The following MOV10L1 variants were observed in gnomAD, a reference collection of about 807,000 sequenced individuals.
MOV10L1 encodes Mov10 like RNA helicase 1.
A neutral mutation model predicts 143.8 loss-of-function variants in MOV10L1; 110 were observed. The ratio of observed to expected loss-of-function variants is 0.76; its 90% CI spans 0.66 to 0.90. The LOEUF is 0.90. Among genes scored for constraint, MOV10L1 ranks in the 40% least tolerant of loss-of-function variants. MOV10L1 has a pLI of 0.00. For missense variants in MOV10L1, 1,406 were observed against 1,526.8 expected (o/e 0.92, Z 1.32); for synonymous variants, 593 against 581.1 (o/e 1.02, Z -0.29).
At chr22:50,129,423 C>T (rs980609793) in intron 13 of MOV10L1, among the ~76,000 whole-genome samples, 1 of 152,186 alleles carries the variant, frequency 6.6e-6, no homozygotes, top group African/African-American at 2.4e-5. Context: ...TCCTAGGAGT[C>T]GAGATTTTCA....
At chr22:50,090,548 A>T in intron 1 of MOV10L1, 1 of 1,596,496 alleles carries the variant, frequency 6.3e-7, no homozygotes, top group South Asian at 1.1e-5. Flanking sequence ...GCGGCCCCGC[A>T]GACTTGGCCT....
chr22:50,120,207 C>T (rs1051331154), intron 9 of MOV10L1, among the ~76,000 whole-genome samples: 5 of 152,210 alleles, frequency 3.3e-5, no homozygotes, highest in Non-Finnish European at 7.3e-5. Flanking sequence ...TGTTTCCAAA[C>T]TCCTGGTTCC....
rs141423382 is a variant in MOV10L1, at chr22:50,137,266, G to T, written c.2070+2636G>T. ...TAAAACAGTTATAAATATGTTCCAT[G>T]TGTTCAAGAAAGTAGAAGACATGAG... On this transcript the variant is annotated intron_variant, in intron 15 of 26. Transcript: ENST00000262794. Among the ~76,000 whole-genome samples the T allele has an allele frequency of 4.4e-4, 67 of 152,294 alleles. No individual in the cohort carries two copies. In the East Asian group the frequency reaches 0.011, roughly 25 times the overall value.
In MOV10L1 at chr22:50,092,099, A is replaced by C; in HGVS notation, c.196A>C (p.Thr66Pro). Residue 66 changes from threonine to proline, a missense_variant, in exon 2 of 27, where the codon ACT (threonine) becomes CCT (proline). Thr to Pro is a conservative substitution (Grantham distance 38). Coordinates refer to ENST00000262794, the MANE Select transcript of MOV10L1 (RefSeq NM_018995.3). ...DMIYFSSDAV[T>P]SRVLLNVGQE... ...GATCTACTTCTCCAGTGATGCTGTGACTAGCAGAGTGCTTCTGAATGTTGG... is the reference window on the plus strand; with the variant it reads ...GATCTACTTCTCCAGTGATGCTGTGCCTAGCAGAGTGCTTCTGAATGTTGG... 1.2e-6 allele frequency: 2 copies of C among 1,614,216 alleles called. No individual in the cohort carries two copies. Among genetic ancestry groups the C allele is most frequent in the Non-Finnish European group, 1.7e-6 (2 of 1,180,030 alleles).
intron 7 of MOV10L1, among the ~76,000 whole-genome samples, chr22:50,114,899 T>TTCTA: frequency 1.3e-5 from 2 of 152,326 alleles, no homozygotes; most frequent in Middle Eastern, 3.4e-3. Context: ...GGGGCAGGCC[T>TTCTA]TCTATCCCAG....
intron 18 of MOV10L1, among the ~76,000 whole-genome samples, chr22:50,144,587 G>GT (rs71198224): frequency 0.14 from 20,609 of 147,876 alleles, 1,570 homozygotes; most frequent in Admixed American, 0.21. Flanking sequence ...GTTTTGTTTT[G>GT]TTTTTTTTTT....
chr22:50,153,194 C>A lies in MOV10L1; in HGVS notation c.3042C>A (p.Phe1014Leu), dbSNP rs757383326. ...GGGAGAAGTTGCCTAAGAAAGGCTTCCCTCTCATCTTCCATGGTGTGCGGG... is the reference window on the plus strand; with the variant it reads ...GGGAGAAGTTGCCTAAGAAAGGCTTACCTCTCATCTTCCATGGTGTGCGGG... ...LGWEKLPKKG[F>L]PLIFHGVRGS... Residue 1014 changes from phenylalanine (F) to leucine (L), a missense_variant, in exon 22 of 27, where the codon TTC becomes TTA. Phe to Leu is a conservative substitution (Grantham distance 22, BLOSUM62 0). This residue lies in a region of MOV10L1 where 1,233 missense variants were observed against 1,351.4 expected (regional missense o/e 0.91). Transcript: ENST00000262794. The A allele has an allele frequency of 6.2e-7, 1 of 1,613,884 alleles. No individual in the cohort carries two copies. The highest frequency in any genetic ancestry group is 8.5e-7 in the Non-Finnish European group (1 of 1,179,794).
chr22:50,146,428 A>C (rs2063154286), intron 19 of MOV10L1, among the ~76,000 whole-genome samples: 1 of 151,876 alleles, frequency 6.6e-6, no homozygotes, highest in African/African-American at 2.4e-5. Context: ...GAGCCCAGGG[A>C]GGCTGAGTGA....
chr22:50,116,764 T>C (rs931281018), intron 8 of MOV10L1, among the ~76,000 whole-genome samples: 3 of 142,258 alleles, frequency 2.1e-5, no homozygotes, highest in African/African-American at 7.8e-5. Context: ...CTCCCTAGGC[T>C]CCCACCTCAG....
intron 2 of MOV10L1, chr22:50,096,257 C>T (rs1194354480): frequency 1.3e-5 from 2 of 152,292 alleles, no homozygotes; most frequent in Non-Finnish European, 1.5e-5. Flanking sequence ...CTCATATAAG[C>T]GGAATCATGT....
intron 15 of MOV10L1, among the ~76,000 whole-genome samples, chr22:50,137,961 C>T (rs893167418): frequency 2.6e-5 from 4 of 151,044 alleles, no homozygotes; most frequent in Non-Finnish European, 5.9e-5. Flanking sequence ...AGGGTTCATC[C>T]CAGGAATGGC....
intron 17 of MOV10L1, 90 bp from the exon 18 acceptor site, chr22:50,144,007 C>A: frequency 6.6e-7 from 1 of 1,508,510 alleles, no homozygotes; most frequent in South Asian, 1.3e-5. Flanking sequence ...TGAGTCCCTG[C>A]ACCCGAATGT....
Position 50,152,915 on chromosome 22 carries a change from G to A in MOV10L1, c.2893-130G>A, listed in dbSNP as rs2063335319. The A allele has an allele frequency of 2.3e-6, 2 of 887,812 alleles. No homozygotes were observed. The highest frequency in any genetic ancestry group is 1.7e-5 in the African/African-American group (1 of 60,248). The allele number at this position is 887,812 out of a possible 1,614,324, so 55.0% of individuals were successfully genotyped here. On this transcript the variant is annotated intron_variant, in intron 21 of 26. Coordinates refer to ENST00000262794, the MANE Select transcript of MOV10L1 (RefSeq NM_018995.3). The surrounding 1 kb of genome is among the most constrained non-coding windows in gnomAD (Gnocchi z 4.4). Reference sequence around the variant, plus strand: ...TGGTCTGGGGGCAGGCGACACACAGGGGCGCAGGAGCAGAGTCAGGCTTGG... The same window carrying A: ...TGGTCTGGGGGCAGGCGACACACAGAGGCGCAGGAGCAGAGTCAGGCTTGG...
chr22:50,108,575 G>T (rs1435322588), intron 4 of MOV10L1, 82 bp from the exon 5 acceptor site: 4 of 1,484,622 alleles, frequency 2.7e-6, no homozygotes, highest in Non-Finnish European at 2.8e-6. Flanking sequence ...GTGTGCTTTG[G>T]GCTGACTTGG....
intron 2 of MOV10L1, chr22:50,092,644 TAAAC>T (rs2062482022): frequency 1.9e-5 from 3 of 157,390 alleles, no homozygotes; most frequent in South Asian, 1.9e-4. Context: ...TCTCAATAAA[TAAAC>T]AAACAGCAGT....
chr22:50,108,921 G>T, intron 5 of MOV10L1, 77 bp downstream of exon 5: 1 of 1,413,264 alleles, frequency 7.1e-7, no homozygotes, highest in East Asian at 2.3e-5. Context: ...GAGGCAGACG[G>T]ATCACCTGAG....
chr22:50,113,619 G>C (rs2147140148), intron 5 of MOV10L1, 29 bp from the exon 6 acceptor site: 1 of 1,609,550 alleles, frequency 6.2e-7, no homozygotes, highest in Non-Finnish European at 8.5e-7. Context: ...CTGCTGCAGA[G>C]GGATGTCTTT....
At chr22:50,091,919 A>G in intron 1 of MOV10L1, 82 bp from the exon 2 acceptor site, 2 of 1,397,284 alleles carry the variant, frequency 1.4e-6, no homozygotes. Flanking sequence ...AGGCTTTTGC[A>G]CTCTGCCTTT....
In MOV10L1 at chr22:50,153,034, TCTC is replaced by T; in HGVS notation, c.2893-7_2893-5del. On this transcript the variant is annotated splice_region_variant and splice_polypyrimidine_tract_variant and intron_variant, in intron 21 of 26. Transcript: ENST00000262794. ...ACCTTCCCCTTGTGACCCATCACCA[TCTC>T]CTCGCAGGTCACAAAGCTGGTGAAG... 1 of 1,557,634 alleles carries T rather than the reference TCTC, an allele frequency of 6.4e-7. No homozygotes were observed. Among genetic ancestry groups the T allele is most frequent in the Non-Finnish European group, 8.7e-7 (1 of 1,143,314 alleles).
Sources: gnomAD v4.1 joint callset for allele counts (sites outside exome capture counted in the v4.1 genomes callset) on GRCh38, gnomAD v4.1.1 for gene constraint, gnomAD v4.1.1 regional missense constraint, Gnocchi (gnomAD v3.1) non-coding constraint, MANE v1.5 for transcripts, NCBI Gene and HGNC (gene_info 2026-07-23, HGNC 2026-07-21) for gene names.